Variants in PARD3B observed in about 807,000 individuals in gnomAD.
PARD3B encodes the protein partitioning defective 3 homolog B.
Under a neutral mutation model 130.2 loss-of-function variants are expected in PARD3B, and 103 were observed. That is an observed-to-expected ratio of 0.79 (90% CI 0.67 to 0.93). PARD3B has a LOEUF of 0.93. Among genes scored for constraint, PARD3B ranks in the 40% least tolerant of loss-of-function variants. PARD3B has a pLI of 0.00. For missense variants in PARD3B, 1,609 were observed against 1,499.2 expected (o/e 1.07, Z -1.21); for synonymous variants, 583 against 553.2 (o/e 1.05, Z -0.76).
intron 4 of PARD3B, among the ~76,000 whole-genome samples, chr2:205,063,553 G>A (rs1700183127): frequency 6.6e-6 from 1 of 152,066 alleles, no homozygotes; most frequent in African/African-American, 2.4e-5. Flanking sequence ...AGTTGATTCA[G>A]TAATAATTAT....
rs2035931291 is a variant in PARD3B at position 204,664,152 on chromosome 2, G to A, written c.121-22029G>A. 2.0e-5 allele frequency among the ~76,000 whole-genome samples: 3 copies of A among 152,166 alleles called. No homozygotes were observed. The highest frequency in any genetic ancestry group is 7.2e-5 in the African/African-American group (3 of 41,444). ...GTCTAATAGCTTACATATATGTTGG[G>A]TAGTAATGCCAGTGGATAGGTTTTA... On this transcript the variant is annotated intron_variant, in intron 1 of 22. Coordinates refer to ENST00000406610, the MANE Select transcript of PARD3B (RefSeq NM_001302769.2). This position sits in a 1 kb window ranked among gnomAD's most constrained non-coding sequence, Gnocchi z 5.2.
intron 10 of PARD3B, among the ~76,000 whole-genome samples, chr2:205,154,375 A>G (rs1047334005): frequency 2.0e-5 from 3 of 152,214 alleles, no homozygotes; most frequent in Admixed American, 6.5e-5. Context: ...TAGAATGACA[A>G]TCATTAAAAA....
chr2:205,254,276 C>T (rs1359318999), intron 16 of PARD3B, among the ~76,000 whole-genome samples: 1 of 151,700 alleles, frequency 6.6e-6, no homozygotes, highest in Non-Finnish European at 1.5e-5. Flanking sequence ...TCAGCTAAAT[C>T]GTAGCCGACA....
intron 11 of PARD3B, among the ~76,000 whole-genome samples, chr2:205,169,633 C>G (rs2125741549): frequency 6.6e-6 from 1 of 152,216 alleles, no homozygotes; most frequent in East Asian, 1.9e-4. Context: ...TTGTTTCTTC[C>G]TGTCGTAGCA....
chr2:204,889,753 G>A (rs1490646231), intron 2 of PARD3B, among the ~76,000 whole-genome samples: 1 of 152,230 alleles, frequency 6.6e-6, no homozygotes, highest in Non-Finnish European at 1.5e-5. Flanking sequence ...CATTCACAGT[G>A]TCAAACTACT....
chr2:204,829,728 G>A (rs376492222), intron 2 of PARD3B, among the ~76,000 whole-genome samples: 2 of 152,018 alleles, frequency 1.3e-5, no homozygotes. Flanking sequence ...GGCCGGGCGC[G>A]GTGGCTCACG....
At chr2:205,019,324 C>G (rs1308997120) in intron 3 of PARD3B, among the ~76,000 whole-genome samples, 3 of 152,080 alleles carry the variant, frequency 2.0e-5, no homozygotes, top group Admixed American at 1.3e-4. Flanking sequence ...ACTTTATTTT[C>G]TTTTTACTGC....
At chr2:204,715,069 ATACTT>A (rs1392812864) in intron 2 of PARD3B, among the ~76,000 whole-genome samples, 1 of 152,220 alleles carries the variant, frequency 6.6e-6, no homozygotes, top group Non-Finnish European at 1.5e-5. Context: ...AATATAGAGT[ATACTT>A]TACTAATCTC....
intron 16 of PARD3B, among the ~76,000 whole-genome samples, chr2:205,249,939 G>GAA (rs72169792): frequency 1.6e-5 from 2 of 125,238 alleles, no homozygotes; most frequent in Non-Finnish European, 1.7e-5. Context: ...AATGCCTGGA[G>GAA]AAAAAAAAAA....
intron 2 of PARD3B, among the ~76,000 whole-genome samples, chr2:204,790,972 G>A (rs533889836): frequency 5.5e-4 from 84 of 152,210 alleles, no homozygotes; most frequent in Admixed American, 1.1e-3. Flanking sequence ...GGACACAGTG[G>A]TGCATGCCTG....
chr2:204,865,991 G>A (rs139576861), intron 2 of PARD3B, among the ~76,000 whole-genome samples: 3 of 152,266 alleles, frequency 2.0e-5, no homozygotes, highest in Non-Finnish European at 4.4e-5. Context: ...CCTGCCTGTG[G>A]CCAGAGCTAG....
In PARD3B at chr2:205,392,500, CAT is replaced by C. The variant is rs1325775094; in HGVS notation, c.2631-8509_2631-8508del. Among the ~76,000 whole-genome samples the C allele has an allele frequency of 3.9e-5, 6 of 152,248 alleles. 1 individual carries two copies. In the South Asian group the frequency reaches 1.2e-3, roughly 32 times the overall value. On this transcript the variant is annotated intron_variant, in intron 18 of 22. Transcript: ENST00000406610. ...ATATAGCTTGTCATCATCTTGGAAA[CAT>C]ATAAACATACCCAGGATAAATGTCT...
At chr2:205,435,728 C>T (rs1000600927) in intron 19 of PARD3B, among the ~76,000 whole-genome samples, 1 of 151,894 alleles carries the variant, frequency 6.6e-6, no homozygotes, top group Non-Finnish European at 1.5e-5. Context: ...GTACTCTCTC[C>T]CAAATTACTT....
At chr2:205,022,865 C>A (rs1369758964) in intron 3 of PARD3B, among the ~76,000 whole-genome samples, 1 of 152,146 alleles carries the variant, frequency 6.6e-6, no homozygotes, top group East Asian at 1.9e-4. Context: ...GCAAGGCATC[C>A]TTCTACATCT....
intron 2 of PARD3B, among the ~76,000 whole-genome samples, chr2:204,775,957 G>T (rs1277744219): frequency 6.6e-6 from 1 of 152,150 alleles, no homozygotes; most frequent in Non-Finnish European, 1.5e-5. Context: ...GCATGCTGGA[G>T]CAAGAAGCAG....
chr2:205,201,719 C>T (rs980056671), intron 15 of PARD3B, among the ~76,000 whole-genome samples: 1 of 152,226 alleles, frequency 6.6e-6, no homozygotes, highest in African/African-American at 2.4e-5. Flanking sequence ...TGCCTGTAAT[C>T]CCAGCTACTT....
chr2:204,706,405 A>G (rs1466462433), intron 2 of PARD3B, among the ~76,000 whole-genome samples: 7 of 151,730 alleles, frequency 4.6e-5, no homozygotes, highest in Non-Finnish European at 8.8e-5. Context: ...AAGGGTAAGG[A>G]GAAATCCATC....
intron 15 of PARD3B, among the ~76,000 whole-genome samples, chr2:205,219,704 T>C (rs1390407819): frequency 1.3e-5 from 2 of 152,264 alleles, no homozygotes; most frequent in Admixed American, 6.5e-5. Flanking sequence ...CTTGAGGAAA[T>C]GCACAGGAAA....
rs1270150868 is a variant in PARD3B at position 205,421,857 on chromosome 2, A to G, written c.2742-18513A>G. On this transcript the variant is annotated intron_variant, in intron 19 of 22. Transcript: ENST00000406610. The surrounding 1 kb of genome is among the most constrained non-coding windows in gnomAD (Gnocchi z 5.1). The stretch of plus-strand genomic sequence containing the variant: ...CTCATGGCTCCTTCTGCCATTTTTA[A>G]AGTGCATCTCTCCAATCTCTGCTTC... Among the ~76,000 whole-genome samples the G allele has an allele frequency of 6.6e-6, 1 of 152,038 alleles. No individual in the cohort carries two copies. Among genetic ancestry groups the G allele is most frequent in the African/African-American group, 2.4e-5 (1 of 41,406 alleles).
Sources: gnomAD v4.1 joint callset for allele counts (sites outside exome capture counted in the v4.1 genomes callset) on GRCh38, gnomAD v4.1.1 for gene constraint, Gnocchi (gnomAD v3.1) non-coding constraint, MANE v1.5 for transcripts, NCBI Gene and HGNC (gene_info 2026-07-23, HGNC 2026-07-21) for gene names.